Variants in FBXL17 observed in about 807,000 individuals in gnomAD.
FBXL17 encodes the protein F-box and leucine rich repeat protein 17.
Under a neutral mutation model 66.2 loss-of-function variants are expected in FBXL17, and 22 were observed. The ratio of observed to expected loss-of-function variants is 0.33; its 90% CI spans 0.24 to 0.47. The LOEUF (loss-of-function observed/expected upper bound fraction) is 0.47, where lower values mean the gene tolerates loss of function less well. Ranked by LOEUF, FBXL17 falls within the 20% of genes least tolerant of loss-of-function variation. The pLI is 1.00. For synonymous variants in FBXL17, 474 were observed against 400.5 expected (o/e 1.18, Z -2.19); for missense variants, 878 against 948.2 (o/e 0.93, Z 0.97).
At chr5:108,182,266 C>T (rs965674698) in intron 6 of FBXL17, among the ~76,000 whole-genome samples, 11 of 152,142 alleles carry the variant, frequency 7.2e-5, no homozygotes, top group Non-Finnish European at 1.5e-4. Flanking sequence ...AATTGATAGG[C>T]TAAACGCATT....
intron 7 of FBXL17, among the ~76,000 whole-genome samples, chr5:107,898,132 C>T (rs1749443714): frequency 6.6e-6 from 1 of 151,992 alleles, no homozygotes; most frequent in Admixed American, 6.6e-5. Flanking sequence ...AGAAGGGTTC[C>T]CATTACTCAA....
At chr5:108,293,110 A>C (rs1484377128) in intron 4 of FBXL17, among the ~76,000 whole-genome samples, 2 of 151,582 alleles carry the variant, frequency 1.3e-5, no homozygotes, top group Non-Finnish European at 2.9e-5. Context: ...AAAAAAAAAA[A>C]ACAAAAAAAA....
intron 6 of FBXL17, among the ~76,000 whole-genome samples, chr5:108,089,610 G>T (rs1346131225): frequency 1.3e-5 from 2 of 152,070 alleles, no homozygotes; most frequent in Non-Finnish European, 2.9e-5. Flanking sequence ...TTCTGTATTT[G>T]TTTGTGATTA....
At chr5:107,924,262 A>C (rs1462737825) in intron 7 of FBXL17, among the ~76,000 whole-genome samples, 1 of 152,030 alleles carries the variant, frequency 6.6e-6, no homozygotes, top group Non-Finnish European at 1.5e-5. Flanking sequence ...AAAAATATGA[A>C]GGAAGTACAT....
intron 8 of FBXL17, among the ~76,000 whole-genome samples, chr5:107,875,082 C>T (rs2112493100): frequency 6.7e-6 from 1 of 150,090 alleles, no homozygotes; most frequent in South Asian, 2.2e-4. Context: ...AGAATGTTTT[C>T]TTTTCTTTCT....
chr5:108,105,093 G>T (rs11747222), intron 6 of FBXL17, among the ~76,000 whole-genome samples: 2 of 152,044 alleles, frequency 1.3e-5, no homozygotes, highest in South Asian at 2.1e-4. Context: ...CGCCCGCCTC[G>T]GCCTCCCGAA....
chr5:108,340,620 G>A (rs989001), intron 4 of FBXL17, among the ~76,000 whole-genome samples: 64,135 of 151,854 alleles, frequency 0.42, 14,288 homozygotes, highest in Non-Finnish European at 0.5. Context: ...ATAAAGAATG[G>A]CATCATTAAT....
intron 6 of FBXL17, among the ~76,000 whole-genome samples, chr5:108,084,091 T>C (rs1050761705): frequency 5.3e-5 from 8 of 152,248 alleles, no homozygotes; most frequent in South Asian, 4.1e-4. Context: ...TTCTGTGTTA[T>C]CAGTAAAAAC....
intron 6 of FBXL17, among the ~76,000 whole-genome samples, chr5:108,046,016 A>AT (rs1747241593): frequency 1.3e-5 from 2 of 152,140 alleles, no homozygotes; most frequent in Admixed American, 1.3e-4. Flanking sequence ...CCTTGCTGAT[A>AT]TTTTCTAATT....
chr5:108,186,568 A>ACG (rs1417062787), intron 5 of FBXL17, among the ~76,000 whole-genome samples: 1 of 151,980 alleles, frequency 6.6e-6, no homozygotes, highest in Non-Finnish European at 1.5e-5. Context: ...TAAGGAGATC[A>ACG]AGACCATCTT....
intron 4 of FBXL17, among the ~76,000 whole-genome samples, chr5:108,307,042 T>C (rs1295130526): frequency 6.6e-6 from 1 of 152,092 alleles, no homozygotes; most frequent in Non-Finnish European, 1.5e-5. Flanking sequence ...AGTAATAGTC[T>C]GAAATCATCA....
intron 4 of FBXL17, among the ~76,000 whole-genome samples, chr5:108,278,164 A>T (rs1241082260): frequency 6.6e-6 from 1 of 152,152 alleles, no homozygotes; most frequent in Non-Finnish European, 1.5e-5. Context: ...CCCACAAGGG[A>T]ATTATACAAT....
intron 6 of FBXL17, among the ~76,000 whole-genome samples, chr5:108,112,644 C>T (rs191573052): frequency 1.5e-4 from 23 of 152,044 alleles, no homozygotes; most frequent in Non-Finnish European, 2.5e-4. Flanking sequence ...ATATAAATGA[C>T]ATAGATGATA....
chr5:107,946,477 A>ATTT (rs138740833), intron 7 of FBXL17, among the ~76,000 whole-genome samples: 7 of 146,764 alleles, frequency 4.8e-5, no homozygotes, highest in African/African-American at 1.7e-4. Flanking sequence ...TATTATTATT[A>ATTT]TTATTATTTT....
intron 6 of FBXL17, among the ~76,000 whole-genome samples, chr5:108,153,921 T>C (rs1413509218): frequency 6.6e-6 from 1 of 152,178 alleles, no homozygotes; most frequent in African/African-American, 2.4e-5. Context: ...AGGGCCCAAT[T>C]AACCTGTACA....
At chr5:107,905,460 T>C (rs78652516) in intron 7 of FBXL17, among the ~76,000 whole-genome samples, 98 of 152,290 alleles carry the variant, frequency 6.4e-4, no homozygotes, top group Middle Eastern at 3.4e-3. Flanking sequence ...AAGAATAACC[T>C]TAAAACAAGG....
At chr5:107,933,609 G>A (rs1021156940) in intron 7 of FBXL17, among the ~76,000 whole-genome samples, 3 of 152,092 alleles carry the variant, frequency 2.0e-5, no homozygotes, top group Admixed American at 2.0e-4. Context: ...CCTGTTCCCT[G>A]AATAGACTTA....
intron 4 of FBXL17, among the ~76,000 whole-genome samples, chr5:108,272,537 T>C (rs1436345902): frequency 1.3e-5 from 2 of 151,834 alleles, no homozygotes; most frequent in Admixed American, 1.3e-4. Context: ...ATGTTTTTAG[T>C]AGAGACAGGT....
chr5:108,250,163 T>C (rs1451091472), intron 4 of FBXL17, among the ~76,000 whole-genome samples: 1 of 152,154 alleles, frequency 6.6e-6, no homozygotes, highest in Non-Finnish European at 1.5e-5. Context: ...TTAGAAAGAA[T>C]GCATAATTTT....
Sources: gnomAD v4.1 joint callset for allele counts (sites outside exome capture counted in the v4.1 genomes callset) on GRCh38, gnomAD v4.1.1 for gene constraint, MANE v1.5 for transcripts, NCBI Gene and HGNC (gene_info 2026-07-23, HGNC 2026-07-21) for gene names.